SPHKAP: variants seen among roughly 807,000 people sequenced by gnomAD.
SPHKAP encodes SPHK1 interactor, AKAP domain containing.
In SPHKAP, 67 loss-of-function variants were observed where a neutral mutation model predicts 137.5. The ratio of observed to expected loss-of-function variants is 0.49; its 90% confidence interval spans 0.40 to 0.60. SPHKAP has a LOEUF of 0.60. SPHKAP is among the 20% of genes least tolerant of loss of function. SPHKAP has a pLI of 0.00. For synonymous variants in SPHKAP, 813 were observed against 785.3 expected (o/e 1.04, Z -0.59); for missense variants, 2,097 against 2,069.3 (o/e 1.01, Z -0.26).
At chr2:228,015,309 T>C (rs1339606435) in intron 7 of SPHKAP, among the ~76,000 whole-genome samples, 3 of 151,302 alleles carry the variant, frequency 2.0e-5, no homozygotes, top group African/African-American at 2.4e-5. Context: ...ATTTTCTTAA[T>C]CCAGTCTATC....
intron 1 of SPHKAP, among the ~76,000 whole-genome samples, chr2:228,134,996 C>T (rs1212096476): frequency 1.3e-5 from 2 of 152,142 alleles, no homozygotes; most frequent in African/African-American, 2.4e-5. Context: ...ACTTCAAGGC[C>T]GGGTGCAGTG....
chr2:227,981,897 A>G, intron 11 of SPHKAP, 37 bp from the exon 12 acceptor site: 1 of 1,590,734 alleles, frequency 6.3e-7, no homozygotes, highest in Middle Eastern at 1.7e-4. Flanking sequence ...CACAGAGCAC[A>G]GAGGGTCCTC....
intron 2 of SPHKAP, among the ~76,000 whole-genome samples, chr2:228,128,995 T>C (rs1699164540): frequency 6.6e-6 from 1 of 152,150 alleles, no homozygotes; most frequent in African/African-American, 2.4e-5. Flanking sequence ...AAATGAGCAT[T>C]GGCCGTCACT....
intron 3 of SPHKAP, among the ~76,000 whole-genome samples, chr2:228,050,888 C>A (rs1419571677): frequency 2.0e-5 from 3 of 152,136 alleles, no homozygotes; most frequent in African/African-American, 7.2e-5. Context: ...CTCACTGCAG[C>A]CTCAACTTCC....
intron 3 of SPHKAP, among the ~76,000 whole-genome samples, chr2:228,034,529 A>G (rs1335013268): frequency 1.3e-5 from 2 of 152,196 alleles, no homozygotes; most frequent in East Asian, 3.9e-4. Context: ...AACTCATTTT[A>G]TGAGGCCAGC....
At chr2:228,048,346 G>A (rs75041632) in intron 3 of SPHKAP, among the ~76,000 whole-genome samples, 2 of 139,864 alleles carry the variant, frequency 1.4e-5, no homozygotes, top group African/African-American at 5.3e-5. Flanking sequence ...GAAACGGGGG[G>A]GTGGAGATGG....
chr2:228,075,640 A>G (rs763278080), intron 3 of SPHKAP, among the ~76,000 whole-genome samples: 1 of 152,198 alleles, frequency 6.6e-6, no homozygotes, highest in African/African-American at 2.4e-5. Flanking sequence ...ATTCTTGAAA[A>G]TGATGCCGGA....
At chr2:228,042,583 T>G (rs1054745214) in intron 3 of SPHKAP, among the ~76,000 whole-genome samples, 3 of 152,088 alleles carry the variant, frequency 2.0e-5, no homozygotes, top group Non-Finnish European at 4.4e-5. Flanking sequence ...TTCTGGAAAT[T>G]TAATATAAAT....
chr2:228,037,029 A>G (rs558889066), intron 3 of SPHKAP, among the ~76,000 whole-genome samples: 8 of 152,196 alleles, frequency 5.3e-5, no homozygotes, highest in Admixed American at 3.3e-4. Context: ...AACTTAAAGT[A>G]TAATAATAAA....
At chr2:228,043,824 G>T (rs1291222459) in intron 3 of SPHKAP, among the ~76,000 whole-genome samples, 1 of 151,864 alleles carries the variant, frequency 6.6e-6, no homozygotes, top group African/African-American at 2.4e-5. Context: ...TTCCATTAAA[G>T]ACTTTTTTCA....
chr2:228,100,311 T>C (rs922731819), intron 3 of SPHKAP, among the ~76,000 whole-genome samples: 1 of 152,222 alleles, frequency 6.6e-6, no homozygotes, highest in Non-Finnish European at 1.5e-5. Flanking sequence ...TTTTACTATC[T>C]GGATGCCTTT....
At chr2:227,998,815 A>C (rs1693734653) in intron 7 of SPHKAP, among the ~76,000 whole-genome samples, 1 of 152,126 alleles carries the variant, frequency 6.6e-6, no homozygotes, top group African/African-American at 2.4e-5. Context: ...CTCTTGGCCA[A>C]TCCTGCCTTT....
At chr2:228,166,444 T>C (rs1700425460) in intron 1 of SPHKAP, among the ~76,000 whole-genome samples, 1 of 152,180 alleles carries the variant, frequency 6.6e-6, no homozygotes, top group African/African-American at 2.4e-5. Flanking sequence ...CCACACATAA[T>C]GAAGACTAAA....
chr2:228,083,059 T>C (rs557266008), intron 3 of SPHKAP, among the ~76,000 whole-genome samples: 1 of 152,330 alleles, frequency 6.6e-6, no homozygotes, highest in Non-Finnish European at 1.5e-5. Context: ...TCAGTACAGA[T>C]AATCTATTCA....
chr2:228,051,764 G>A (rs979325798), intron 3 of SPHKAP, among the ~76,000 whole-genome samples: 3 of 152,192 alleles, frequency 2.0e-5, no homozygotes, highest in African/African-American at 7.2e-5. Context: ...AGTTCTGAAG[G>A]TTGGGAAGTC....
At chr2:228,148,725 C>T (rs769976645) in intron 1 of SPHKAP, among the ~76,000 whole-genome samples, 1 of 152,044 alleles carries the variant, frequency 6.6e-6, no homozygotes, top group African/African-American at 2.4e-5. Flanking sequence ...GTTCAACTAC[C>T]CACATGGCTG....
chr2:228,023,804 C>T (rs765481434), intron 5 of SPHKAP, among the ~76,000 whole-genome samples: 7 of 152,230 alleles, frequency 4.6e-5, no homozygotes, highest in South Asian at 2.1e-4. Flanking sequence ...TCACTTCCAG[C>T]GCCAGGGGTG....
At chr2:228,068,708 A>T (rs1278845308) in intron 3 of SPHKAP, among the ~76,000 whole-genome samples, 1 of 152,226 alleles carries the variant, frequency 6.6e-6, no homozygotes, top group Non-Finnish European at 1.5e-5. Context: ...TGGATTGAAG[A>T]CTTAAATCTA....
Position 228,018,428 on chromosome 2 carries a change from G to A in SPHKAP, c.2426C>T (p.Thr809Met), listed in dbSNP as rs200506306. 101 of 1,613,860 alleles carry A rather than the reference G, an allele frequency of 6.3e-5. No individual in the cohort carries two copies. Among genetic ancestry groups the A allele is most frequent in the Non-Finnish European group, 7.7e-5 (91 of 1,179,890 alleles). ...GVRPGLFKNP[T>M]LQSQLSRSHR... ...ACTACGTGATAATTGTGACTGCAGC[G>A]TGGGGTTCTTGAAGAGGCCTGGCCT... The change falls in exon 7 of 12, where the codon ACG becomes ATG. Residue 809 changes from threonine to methionine, a missense_variant. Coordinates refer to ENST00000392056, the MANE Select transcript of SPHKAP (RefSeq NM_001142644.2).
Sources: allele counts gnomAD v4.1 joint callset (sites outside exome capture counted in the v4.1 genomes callset), GRCh38; gene constraint gnomAD v4.1.1; transcripts MANE v1.5; gene names NCBI Gene and HGNC (gene_info 2026-07-23, HGNC 2026-07-21).